The following AFF4 variants were observed in gnomAD, a reference collection of about 807,000 sequenced individuals.
The protein encoded by AFF4 is ALF transcription elongation factor 4.
Under a neutral mutation model 124.8 loss-of-function variants are expected in AFF4, and 13 were observed. The observed-to-expected ratio is 0.10, with a 90% CI of 0.07 to 0.17. The LOEUF (loss-of-function observed/expected upper bound fraction) is 0.17. AFF4 is among the 10% of genes least tolerant of loss of function. AFF4 has a pLI of 1.00. For missense variants in AFF4, 1,092 were observed against 1,403.8 expected, an observed-to-expected ratio of 0.78 and a Z score of 3.55; for synonymous variants, 477 against 496.1, an observed-to-expected ratio of 0.96 and a Z score of 0.51.
intron 4 of AFF4, among the ~76,000 whole-genome samples, chr5:132,928,701 C>T (rs565398426): frequency 6.6e-5 from 10 of 152,218 alleles, no homozygotes; most frequent in African/African-American, 2.4e-4. Flanking sequence ...AGAAATTTAA[C>T]TGTTGATATG....
At chr5:132,945,920 C>T (rs1298513350) in intron 1 of AFF4, among the ~76,000 whole-genome samples, 3 of 151,858 alleles carry the variant, frequency 2.0e-5, no homozygotes, top group South Asian at 2.1e-4. Flanking sequence ...ATTAGCCAGG[C>T]GTGGTGGCGC....
intron 1 of AFF4, among the ~76,000 whole-genome samples, chr5:132,949,260 T>G (rs1761773658): frequency 6.7e-6 from 1 of 148,248 alleles, no homozygotes; most frequent in Admixed American, 6.9e-5. Context: ...TTGCTCAGGC[T>G]TGTTTCAAAT....
rs1393725898 is a variant in AFF4, at chr5:132,934,643, C to A, written c.422G>T (p.Ser141Ile). ...HSSQRTSAGS[S>I]SGTNSSGQRH... ...CTGACCACTACTGTTAGTGCCACTA[C>A]TGCTACCTGCGCTGGTCCGCTGGCT... Residue 141 changes from serine to isoleucine, a missense_variant, in exon 3 of 21, where the codon AGT (serine) becomes ATT (isoleucine). By Grantham distance (142) the Ser-to-Ile change is moderately radical. This residue lies in a region of AFF4 where 188 missense variants were observed against 203.0 expected (regional missense o/e 0.93). Transcript: ENST00000265343. The A allele has an allele frequency of 6.2e-7, 1 of 1,614,068 alleles. No homozygotes were observed. The highest frequency in any genetic ancestry group is 1.3e-5 in the African/African-American group (1 of 74,922).
chr5:132,877,097 T>A lies in AFF4; in HGVS notation c.*3962A>T, dbSNP rs760905341. 4.9e-6 allele frequency: 1 copy of A among 205,304 alleles called. No individual in the cohort carries two copies. Among genetic ancestry groups the A allele is most frequent in the Non-Finnish European group, 1.0e-5 (1 of 100,002 alleles). The allele number at this position is 205,304 out of a possible 1,614,324, so 12.7% of individuals were successfully genotyped here. ...TATACAGGTATGATAGGTGTCTATATGGGTTTGAAATGCTCTGTCTCCCCA... is the reference window on the plus strand; with the variant it reads ...TATACAGGTATGATAGGTGTCTATAAGGGTTTGAAATGCTCTGTCTCCCCA... On this transcript the variant is annotated 3_prime_UTR_variant, in exon 21 of 21. Transcript: ENST00000265343.
At chr5:132,936,166 CTTA>C (rs1057066683) in intron 2 of AFF4, among the ~76,000 whole-genome samples, 10 of 141,678 alleles carry the variant, frequency 7.1e-5, no homozygotes, top group African/African-American at 2.6e-4. Flanking sequence ...ACTCTGGAGG[CTTA>C]GGCAGGAGAA....
intron 1 of AFF4, among the ~76,000 whole-genome samples, chr5:132,953,434 G>C (rs903486214): frequency 6.6e-6 from 1 of 151,230 alleles, no homozygotes; most frequent in African/African-American, 2.4e-5. Context: ...ATTTTTTGTA[G>C]AGACAAGATC....
intron 1 of AFF4, among the ~76,000 whole-genome samples, chr5:132,959,464 A>G (rs1165890834): frequency 1.3e-5 from 2 of 149,896 alleles, no homozygotes; most frequent in South Asian, 2.2e-4. Context: ...TAAAGCAGGT[A>G]GCTAAGATTT....
intron 1 of AFF4, among the ~76,000 whole-genome samples, chr5:132,949,671 A>C (rs1761784948): frequency 1.3e-5 from 2 of 150,848 alleles, no homozygotes; most frequent in East Asian, 3.9e-4. Flanking sequence ...AACACAGTGA[A>C]ACCCCATGTG....
chr5:132,959,827 C>G (rs928432496), intron 1 of AFF4, among the ~76,000 whole-genome samples: 1 of 126,674 alleles, frequency 7.9e-6, no homozygotes, highest in East Asian at 2.6e-4. Context: ...TGCAGTGGTG[C>G]GATCTCGACT....
Position 132,937,103 on chromosome 5 carries a change from T to C in AFF4, c.87A>G (p.Pro29=). Residue 29 remains proline (P), a synonymous_variant, in exon 2 of 21, where the codon CCA becomes CCG. Transcript: ENST00000265343. The part of the protein sequence containing the change: ...QEIQQGEDAF[P]PSSPLFAEPY... ...GCTCTGCAAAGAGAGGAGAGCTAGGTGGGAAGGCGTCTTCGCCCTGCTGAA... is the reference window on the plus strand; with the variant it reads ...GCTCTGCAAAGAGAGGAGAGCTAGGCGGGAAGGCGTCTTCGCCCTGCTGAA... 1 of 1,613,772 alleles carries C rather than the reference T, an allele frequency of 6.2e-7. No homozygotes were observed. The highest frequency in any genetic ancestry group is 8.5e-7 in the Non-Finnish European group (1 of 1,179,930).
Position 132,887,986 on chromosome 5 carries a change from A to C in AFF4, c.2797-4T>G. 6.2e-7 allele frequency: 1 copy of C among 1,613,074 alleles called. No individual in the cohort carries two copies. The highest frequency in any genetic ancestry group is 8.5e-7 in the Non-Finnish European group (1 of 1,179,660). On this transcript the variant is annotated splice_region_variant and splice_polypyrimidine_tract_variant and intron_variant, in intron 15 of 20. Coordinates refer to ENST00000265343, the MANE Select transcript of AFF4 (RefSeq NM_014423.4). ...CAGCTTTCTCAAACCTATCAGACTG[A>C]AGAAAGGAGAATGCAAGTAATGAGT...
intron 1 of AFF4, among the ~76,000 whole-genome samples, chr5:132,953,564 A>G (rs185733552): frequency 6.1e-4 from 93 of 152,128 alleles, no homozygotes; most frequent in African/African-American, 2.2e-3. Context: ...AATCCCAAAA[A>G]TCTCAATCTT....
At chr5:132,955,505 G>A (rs940106083) in intron 1 of AFF4, among the ~76,000 whole-genome samples, 9 of 152,140 alleles carry the variant, frequency 5.9e-5, no homozygotes, top group Admixed American at 5.2e-4. Flanking sequence ...CAGGTCAGGT[G>A]TAGCGACTTA....
intron 18 of AFF4, 42 bp downstream of exon 18, chr5:132,886,259 ACTACAAATT>A: frequency 6.6e-7 from 1 of 1,518,836 alleles, no homozygotes; most frequent in South Asian, 1.2e-5. Context: ...GGGATGGGAG[ACTACAAATT>A]CTGTCTCCTA....
chr5:132,924,433 A>G (rs1202970590), intron 5 of AFF4, among the ~76,000 whole-genome samples: 1 of 152,230 alleles, frequency 6.6e-6, no homozygotes, highest in Non-Finnish European at 1.5e-5. Flanking sequence ...AATAGATCAG[A>G]AATTGCATAG....
intron 4 of AFF4, among the ~76,000 whole-genome samples, chr5:132,931,970 A>C (rs569708058): frequency 1.2e-4 from 19 of 152,270 alleles, no homozygotes; most frequent in East Asian, 5.8e-4. Flanking sequence ...ACAACAACAA[A>C]AAAAAACACA....
Position 132,934,651 on chromosome 5 carries a change from T to G in AFF4, c.414A>C (p.Ala138=). Residue 138 remains alanine, a synonymous_variant, in exon 3 of 21, where the codon GCA becomes GCC. Coordinates refer to ENST00000265343, the MANE Select transcript of AFF4 (RefSeq NM_014423.4). ...QSGHSSQRTS[A]GSSSGTNSSG... is the part of the protein sequence containing the mutation. ...TACTGTTAGTGCCACTACTGCTACC[T>G]GCGCTGGTCCGCTGGCTACTATGTC... The G allele has an allele frequency of 6.2e-7, 1 of 1,614,154 alleles. No homozygotes were observed. Among genetic ancestry groups the G allele is most frequent in the African/African-American group, 1.3e-5 (1 of 75,042 alleles).
intron 1 of AFF4, among the ~76,000 whole-genome samples, chr5:132,956,647 A>G (rs1018252289): frequency 2.2e-4 from 33 of 151,506 alleles, no homozygotes; most frequent in Middle Eastern, 3.4e-3. Context: ...AAAAAAAAAA[A>G]AGAGAGAGCG....
chr5:132,940,057 T>C (rs1176394635), intron 1 of AFF4, among the ~76,000 whole-genome samples: 2 of 152,120 alleles, frequency 1.3e-5, no homozygotes, highest in Admixed American at 1.3e-4. Context: ...AAAAGTAGCC[T>C]GCCGTGGTAG....
Sources: allele counts gnomAD v4.1 joint callset (sites outside exome capture counted in the v4.1 genomes callset), GRCh38; gene constraint gnomAD v4.1.1; regional missense constraint gnomAD v4.1.1; transcripts MANE v1.5; gene names NCBI Gene and HGNC (gene_info 2026-07-23, HGNC 2026-07-21).